GATAD2A: variants seen among roughly 807,000 people sequenced by gnomAD.
GATAD2A encodes GATA zinc finger domain containing 2A.
In GATAD2A, 12 loss-of-function variants were observed where a neutral mutation model predicts 68.5. The observed-to-expected ratio is 0.18, with a 90% CI of 0.11 to 0.28. The LOEUF is 0.28. Ranked by LOEUF, GATAD2A falls within the 10% of genes least tolerant of loss-of-function variation. GATAD2A has a pLI of 1.00. For synonymous variants in GATAD2A, 410 were observed against 375.3 expected (o/e 1.09, Z -1.07); for missense variants, 755 against 868.5 (o/e 0.87, Z 1.64).
At chr19:19,396,025 G>T (rs1275119024) in intron 1 of GATAD2A, among the ~76,000 whole-genome samples, 1 of 152,116 alleles carries the variant, frequency 6.6e-6, no homozygotes, top group Admixed American at 6.6e-5. Context: ...AGTTGTTAAA[G>T]AATCATATTT....
intron 1 of GATAD2A, chr19:19,440,543 C>T: frequency 5.6e-6 from 1 of 180,132 alleles, no homozygotes; most frequent in Non-Finnish European, 1.2e-5. Flanking sequence ...CAAGTGTGAG[C>T]CACCGTGCCC....
At chr19:19,468,657 G>A (rs1260508658) in intron 2 of GATAD2A, among the ~76,000 whole-genome samples, 6 of 152,204 alleles carry the variant, frequency 3.9e-5, no homozygotes, top group Non-Finnish European at 5.9e-5. Context: ...GTTGAATGAT[G>A]TTAAAAGTAT....
chr19:19,395,257 C>G (rs1054069416), intron 1 of GATAD2A, among the ~76,000 whole-genome samples: 6 of 152,138 alleles, frequency 3.9e-5, no homozygotes, highest in African/African-American at 1.4e-4. Flanking sequence ...GAGTTTGAGA[C>G]CTGCCTGGCC....
chr19:19,404,724 A>G (rs940854798), upstream of GATAD2A, among the ~76,000 whole-genome samples: 1 of 152,162 alleles, frequency 6.6e-6, no homozygotes. Flanking sequence ...CATGTGGTAA[A>G]TTTATGTTTG....
chr19:19,490,039 C>T (rs2059681191), intron 2 of GATAD2A, among the ~76,000 whole-genome samples: 2 of 152,208 alleles, frequency 1.3e-5, no homozygotes, highest in South Asian at 4.1e-4. Flanking sequence ...TTTGCTAAGA[C>T]CTGAGTGAGG....
intron 1 of GATAD2A, among the ~76,000 whole-genome samples, chr19:19,387,104 A>G (rs2048491961): frequency 6.6e-6 from 1 of 151,612 alleles, no homozygotes; most frequent in Non-Finnish European, 1.5e-5. Context: ...CTAAGACCCT[A>G]TCCTCACTCC....
intron 1 of GATAD2A, among the ~76,000 whole-genome samples, chr19:19,418,058 C>T (rs987338195): frequency 8.5e-5 from 13 of 152,228 alleles, no homozygotes; most frequent in African/African-American, 2.2e-4. Context: ...AGCTGAATGA[C>T]GACTGGAGGG....
At chr19:19,454,009 G>A (rs1438122079) in intron 1 of GATAD2A, among the ~76,000 whole-genome samples, 1 of 128,154 alleles carries the variant, frequency 7.8e-6, no homozygotes, top group African/African-American at 3.0e-5. Flanking sequence ...TTTTTGTTTT[G>A]CTTTTGAGAC....
At chr19:19,470,106 T>C (rs934987230) in intron 2 of GATAD2A, among the ~76,000 whole-genome samples, 1 of 151,436 alleles carries the variant, frequency 6.6e-6, no homozygotes, top group Admixed American at 6.6e-5. Flanking sequence ...AAAGACACTT[T>C]AAGACCAAAA....
intron 1 of GATAD2A, among the ~76,000 whole-genome samples, chr19:19,460,346 C>T (rs1021069249): frequency 2.0e-5 from 3 of 152,192 alleles, no homozygotes; most frequent in South Asian, 2.1e-4. Flanking sequence ...GGCACCTGGG[C>T]GCAGGCTTGC....
Position 19,501,956 on chromosome 19 carries a change from C to G in GATAD2A, c.1504-13C>G, listed in dbSNP as rs748907602. On this transcript the variant is annotated splice_polypyrimidine_tract_variant and intron_variant, in intron 9 of 11. Transcript: ENST00000683918. ...GACCGCACTGACTTTGCTTTCAACC[C>G]CCGTTTGTGTAGGTCATAAAACCCC... 9 of 1,612,440 alleles carry G rather than the reference C, an allele frequency of 5.6e-6. No homozygotes were observed. The highest frequency in any genetic ancestry group is 7.6e-6 in the Non-Finnish European group (9 of 1,178,490).
chr19:19,460,820 C>T (rs1371112419), intron 1 of GATAD2A, among the ~76,000 whole-genome samples: 3 of 152,180 alleles, frequency 2.0e-5, no homozygotes, highest in Non-Finnish European at 4.4e-5. Flanking sequence ...CCAGGTGATC[C>T]TTTAGAGCAA....
At chr19:19,491,663 T>A (rs2059799080) in intron 2 of GATAD2A, among the ~76,000 whole-genome samples, 1 of 152,218 alleles carries the variant, frequency 6.6e-6, no homozygotes, top group African/African-American at 2.4e-5. Context: ...TGCCGCCATG[T>A]GGGGCCCAAG....
At chr19:19,468,974 C>T (rs944847728) in intron 2 of GATAD2A, among the ~76,000 whole-genome samples, 1 of 152,114 alleles carries the variant, frequency 6.6e-6, no homozygotes, top group African/African-American at 2.4e-5. Context: ...AAATATATGT[C>T]ATATTAGTAC....
At chr19:19,472,887 A>G (rs1211846564) in intron 2 of GATAD2A, among the ~76,000 whole-genome samples, 1 of 152,214 alleles carries the variant, frequency 6.6e-6, no homozygotes, top group Non-Finnish European at 1.5e-5. Context: ...GCCAGGTACT[A>G]TGCTGATCTC....
At chr19:19,483,115 G>A (rs1375171750) in intron 2 of GATAD2A, among the ~76,000 whole-genome samples, 1 of 152,142 alleles carries the variant, frequency 6.6e-6, no homozygotes, top group African/African-American at 2.4e-5. Context: ...TGCTGGGGGC[G>A]GGCACTGCAT....
intron 1 of GATAD2A, among the ~76,000 whole-genome samples, chr19:19,411,619 T>C (rs1244120232): frequency 6.6e-6 from 1 of 152,216 alleles, no homozygotes; most frequent in Non-Finnish European, 1.5e-5. Context: ...TCACTGACGA[T>C]ATGCAGTTTA....
At chr19:19,431,832 G>A (rs1442478550) in intron 1 of GATAD2A, among the ~76,000 whole-genome samples, 4 of 152,054 alleles carry the variant, frequency 2.6e-5, no homozygotes, top group Non-Finnish European at 4.4e-5. Context: ...AAAGTTCATC[G>A]GCAACACAGT....
At chr19:19,444,967 C>T (rs1336144544) in intron 1 of GATAD2A, among the ~76,000 whole-genome samples, 1 of 151,676 alleles carries the variant, frequency 6.6e-6, no homozygotes, top group Non-Finnish European at 1.5e-5. Flanking sequence ...AGGTGGGGCT[C>T]TGCTGGTAGT....
Sources: gnomAD v4.1 joint callset for allele counts (sites outside exome capture counted in the v4.1 genomes callset) on GRCh38, gnomAD v4.1.1 for gene constraint, MANE v1.5 for transcripts, NCBI Gene and HGNC (gene_info 2026-07-23, HGNC 2026-07-21) for gene names.